Variants in KCNH8 observed in about 807,000 individuals in gnomAD.
The protein encoded by KCNH8 is voltage-gated delayed rectifier potassium channel KCNH8.
Under a neutral mutation model 103.6 loss-of-function variants are expected in KCNH8, and 70 were observed. The ratio of observed to expected loss-of-function variants is 0.68; its 90% CI spans 0.56 to 0.82. The LOEUF is 0.82. Among genes scored for constraint, KCNH8 ranks in the 40% least tolerant of loss-of-function variants. The pLI, the probability that KCNH8 is intolerant of heterozygous loss-of-function variation, is 0.00. For synonymous variants in KCNH8, 498 were observed against 489.4 expected, an observed-to-expected ratio of 1.02 and a Z score of -0.23; for missense variants, 1,217 against 1,329.9, an observed-to-expected ratio of 0.92 and a Z score of 1.32.
At chr3:19,529,220 T>A (rs2069118839) in intron 15 of KCNH8, among the ~76,000 whole-genome samples, 1 of 152,200 alleles carries the variant, frequency 6.6e-6, no homozygotes, top group Non-Finnish European at 1.5e-5. Context: ...CAGAAACATT[T>A]AAATATTTTA....
chr3:19,279,834 T>A (rs1287171649), intron 2 of KCNH8, among the ~76,000 whole-genome samples: 6 of 152,096 alleles, frequency 3.9e-5, no homozygotes, highest in Non-Finnish European at 1.5e-5. Flanking sequence ...AATACATAGC[T>A]GTGTTGGAAA....
intron 1 of KCNH8, among the ~76,000 whole-genome samples, chr3:19,160,373 A>G (rs999396161): frequency 6.6e-6 from 1 of 152,080 alleles, no homozygotes; most frequent in African/African-American, 2.4e-5. Flanking sequence ...TACATATATT[A>G]AATCACTCCT....
intron 1 of KCNH8, among the ~76,000 whole-genome samples, chr3:19,247,714 T>A (rs2064224311): frequency 6.6e-6 from 1 of 152,230 alleles, no homozygotes; most frequent in African/African-American, 2.4e-5. Flanking sequence ...GAACTATAAA[T>A]GTCTCAATTT....
intron 11 of KCNH8, among the ~76,000 whole-genome samples, chr3:19,493,711 T>C (rs1487092606): frequency 6.6e-6 from 1 of 152,178 alleles, no homozygotes; most frequent in African/African-American, 2.4e-5. Flanking sequence ...GCTCATTCCA[T>C]ATGATATTGG....
intron 3 of KCNH8, 98 bp from the exon 4 acceptor site, chr3:19,342,489 A>G: frequency 5.0e-6 from 6 of 1,202,222 alleles, no homozygotes; most frequent in Non-Finnish European, 6.8e-6. Flanking sequence ...GTATTGGAAA[A>G]CATGTACAAT....
chr3:19,155,837 C>T (rs377318949), intron 1 of KCNH8, among the ~76,000 whole-genome samples: 75 of 152,272 alleles, frequency 4.9e-4, no homozygotes, highest in African/African-American at 1.7e-3. Context: ...TTTATATGTG[C>T]TATAATTATA....
chr3:19,217,904 G>C (rs1033807553), intron 1 of KCNH8, among the ~76,000 whole-genome samples: 1 of 152,128 alleles, frequency 6.6e-6, no homozygotes, highest in African/African-American at 2.4e-5. Context: ...TTTCCCTTTT[G>C]CATAAGTCCT....
At chr3:19,421,624 A>G (rs893031949) in intron 7 of KCNH8, among the ~76,000 whole-genome samples, 4 of 152,048 alleles carry the variant, frequency 2.6e-5, no homozygotes, top group Non-Finnish European at 5.9e-5. Flanking sequence ...TTAAAAGTTC[A>G]TATCAGATAC....
At chr3:19,495,170 A>G (rs9844177) in intron 11 of KCNH8, among the ~76,000 whole-genome samples, 117,680 of 152,082 alleles carry the variant, frequency 0.77, 46,412 homozygotes, top group African/African-American at 0.94. Flanking sequence ...TCTGCTGATA[A>G]TTTCTTTTGC....
In KCNH8 at chr3:19,533,816, CA is replaced by C; in HGVS notation, c.3042del (p.His1015IlefsTer6). 3.1e-6 allele frequency: 5 copies of C among 1,614,156 alleles called. No individual in the cohort carries two copies. The highest frequency in any genetic ancestry group is 4.2e-6 in the Non-Finnish European group (5 of 1,180,016). ...TTGCAATTTTTAAGGTGCATCTCTC[CA>C]CATTCAGATTCTACGTTGACGCCTC... ...GHLQFLRCISPHSDSTLTPLQ... is the reference protein window; with the variant it reads ...GHLQFLRCISXHSDSTLTPLQ... On this transcript the variant is annotated frameshift_variant, in exon 16 of 16. Transcript: ENST00000328405. LOFTEE classifies it high-confidence loss of function.
At chr3:19,288,032 T>C (rs979811593) in intron 3 of KCNH8, among the ~76,000 whole-genome samples, 4 of 152,104 alleles carry the variant, frequency 2.6e-5, no homozygotes, top group Non-Finnish European at 5.9e-5. Context: ...CTTTGTCACC[T>C]ATTCATCATG....
intron 3 of KCNH8, among the ~76,000 whole-genome samples, chr3:19,323,383 A>T (rs2065377793): frequency 6.6e-6 from 1 of 152,132 alleles, no homozygotes; most frequent in Admixed American, 6.5e-5. Flanking sequence ...CGGGAGGCAG[A>T]GCTTGCAGTG....
At chr3:19,290,322 CCA>C (rs1443781687) in intron 3 of KCNH8, among the ~76,000 whole-genome samples, 1 of 152,110 alleles carries the variant, frequency 6.6e-6, no homozygotes, top group Non-Finnish European at 1.5e-5. Context: ...CTGTCTTGTG[CCA>C]GTTTTCAAAG....
chr3:19,511,365 C>T (rs1575160906), intron 12 of KCNH8, among the ~76,000 whole-genome samples: 3 of 152,252 alleles, frequency 2.0e-5, no homozygotes, highest in Admixed American at 2.0e-4. Context: ...TTTCCACAAA[C>T]TTGTAGAAGT....
At chr3:19,375,032 C>T (rs1243742178) in intron 5 of KCNH8, among the ~76,000 whole-genome samples, 1 of 151,564 alleles carries the variant, frequency 6.6e-6, no homozygotes, top group African/African-American at 2.4e-5. Flanking sequence ...TCTGGCTGCC[C>T]TTAACATTTT....
rs138556210 is a variant in KCNH8 at position 19,159,107 on chromosome 3, C to G, written c.76+10312C>G. Among the ~76,000 whole-genome samples the G allele has an allele frequency of 7.6e-4, 115 of 151,776 alleles. No individual in the cohort carries two copies. In the South Asian group the frequency reaches 0.013, roughly 17 times the overall value. ...TGTAATGTATTCCTATTTCATTAAG[C>G]CTTTTTATCCATTGTCATTTTATTA... On this transcript the variant is annotated intron_variant, in intron 1 of 15. Coordinates refer to ENST00000328405, the MANE Select transcript of KCNH8 (RefSeq NM_144633.3).
intron 2 of KCNH8, among the ~76,000 whole-genome samples, chr3:19,278,721 T>C (rs768442246): frequency 6.6e-6 from 1 of 152,196 alleles, no homozygotes; most frequent in Non-Finnish European, 1.5e-5. Context: ...TCCAAAGTAA[T>C]GAAGTTTTAT....
chr3:19,409,654 A>G (rs1559314228), intron 7 of KCNH8, among the ~76,000 whole-genome samples: 1 of 152,162 alleles, frequency 6.6e-6, no homozygotes, highest in Non-Finnish European at 1.5e-5. Context: ...ATAGGCTTAC[A>G]GGGTTGGAGA....
chr3:19,246,753 A>G (rs546858739), intron 1 of KCNH8, among the ~76,000 whole-genome samples: 16 of 152,266 alleles, frequency 1.1e-4, no homozygotes, highest in Admixed American at 2.0e-4. Flanking sequence ...GAATCATCTC[A>G]AACTTTAATG....
Sources: allele counts gnomAD v4.1 joint callset (sites outside exome capture counted in the v4.1 genomes callset), GRCh38; gene constraint gnomAD v4.1.1; transcripts MANE v1.5; gene names NCBI Gene and HGNC (gene_info 2026-07-23, HGNC 2026-07-21).